CDH13: variants seen among roughly 807,000 people sequenced by gnomAD.
CDH13 encodes the protein cadherin-13.
In CDH13, 24 loss-of-function variants were observed where a neutral mutation model predicts 63.8. That is an observed-to-expected ratio of 0.38 (90% confidence interval 0.27 to 0.53). The LOEUF is 0.53. CDH13 is among the 20% of genes least tolerant of loss of function. CDH13 has a pLI of 0.85. For synonymous variants in CDH13, 503 were observed against 355.3 expected (o/e 1.42, Z -4.67); for missense variants, 1,049 against 903.1 (o/e 1.16, Z -2.07).
At chr16:83,426,871 TGTC>T (rs2071919591) in intron 6 of CDH13, among the ~76,000 whole-genome samples, 1 of 150,538 alleles carries the variant, frequency 6.6e-6, no homozygotes, top group South Asian at 2.2e-4. Flanking sequence ...AATATGACTT[TGTC>T]CTAATTCTCA....
intron 1 of CDH13, 68 bp from the exon 2 acceptor site, chr16:82,858,294 T>G (rs2039785326): frequency 9.7e-7 from 1 of 1,032,858 alleles, no homozygotes; most frequent in East Asian, 2.4e-5. Context: ...AAGTTGCGGA[T>G]TTGGCGAAAG....
chr16:83,554,784 ATAAC>A (rs1208676039), intron 7 of CDH13, among the ~76,000 whole-genome samples: 1 of 152,196 alleles, frequency 6.6e-6, no homozygotes, highest in African/African-American at 2.4e-5. Context: ...GTAGCCAGCA[ATAAC>A]TACTTCAAAG....
intron 5 of CDH13, among the ~76,000 whole-genome samples, chr16:83,308,009 G>C (rs1338400264): frequency 2.0e-5 from 3 of 152,140 alleles, no homozygotes; most frequent in African/African-American, 4.8e-5. Flanking sequence ...AAATGGTTCT[G>C]TGTGTAAATC....
chr16:82,923,906 C>A (rs375663634), intron 2 of CDH13, among the ~76,000 whole-genome samples: 2 of 152,122 alleles, frequency 1.3e-5, no homozygotes, highest in Admixed American at 1.3e-4. Flanking sequence ...CCAGCCCTTC[C>A]TCTCTGCAAA....
intron 2 of CDH13, among the ~76,000 whole-genome samples, chr16:82,964,768 A>T (rs1907564167): frequency 6.6e-6 from 1 of 152,260 alleles, no homozygotes; most frequent in Non-Finnish European, 1.5e-5. Context: ...TATATCCGAC[A>T]GGAAAAATAT....
At position 82,827,733 on chromosome 16, in the gene CDH13, T is replaced by A. The variant is rs549827694; in HGVS notation, c.46-30629T>A. On this transcript the variant is annotated intron_variant, in intron 1 of 13. Coordinates refer to ENST00000567109, the MANE Select transcript of CDH13 (RefSeq NM_001257.5). Reference sequence around the variant, plus strand: ...ATAAAGATTCTCAGCATGAATGCCCTTTTTTACTTGATGAAAATAGACCTG... The same window carrying A: ...ATAAAGATTCTCAGCATGAATGCCCATTTTTACTTGATGAAAATAGACCTG... Among the ~76,000 whole-genome samples the A allele has an allele frequency of 7.9e-5, 12 of 152,332 alleles. No homozygotes were observed. The South Asian group carries it at 2.1e-3, about 26-fold the overall frequency.
At chr16:83,243,497 A>T (rs1391958913) in intron 5 of CDH13, among the ~76,000 whole-genome samples, 2 of 152,076 alleles carry the variant, frequency 1.3e-5, no homozygotes, top group African/African-American at 2.4e-5. Context: ...CCCACAACAC[A>T]TGGTAATTGT....
chr16:83,316,865 A>G (rs1319118124), intron 5 of CDH13, among the ~76,000 whole-genome samples: 2 of 151,786 alleles, frequency 1.3e-5, no homozygotes, highest in African/African-American at 2.4e-5. Flanking sequence ...TGATCAGCTG[A>G]GCTTCATCTG....
At chr16:82,962,558 G>A (rs1907179357) in intron 2 of CDH13, among the ~76,000 whole-genome samples, 2 of 152,180 alleles carry the variant, frequency 1.3e-5, no homozygotes, top group South Asian at 4.1e-4. Context: ...TAGGATGCAT[G>A]CAACTCATAA....
intron 5 of CDH13, among the ~76,000 whole-genome samples, chr16:83,331,113 A>C (rs747562196): frequency 6.6e-6 from 1 of 152,202 alleles, no homozygotes; most frequent in Non-Finnish European, 1.5e-5. Context: ...TTAAACAATC[A>C]CACAGCTGAT....
chr16:83,610,107 G>T (rs915974449), intron 8 of CDH13, among the ~76,000 whole-genome samples: 12 of 152,150 alleles, frequency 7.9e-5, no homozygotes, highest in African/African-American at 2.2e-4. Flanking sequence ...CACATTTTAT[G>T]CATTCATCCA....
chr16:82,955,976 A>AT (rs745568566), intron 2 of CDH13, among the ~76,000 whole-genome samples: 5 of 152,128 alleles, frequency 3.3e-5, no homozygotes, highest in Middle Eastern at 3.4e-3. Flanking sequence ...TCTTGGATTT[A>AT]TTTTTTTTAA....
intron 3 of CDH13, among the ~76,000 whole-genome samples, chr16:83,045,634 TAAAA>T (rs71382861): frequency 2.8e-5 from 3 of 107,918 alleles, no homozygotes; most frequent in Admixed American, 2.0e-4. Flanking sequence ...AAGATTCCTT[TAAAA>T]AAAAAAAAAA....
At position 83,216,397 on chromosome 16, in the gene CDH13, AATATATATATAT is replaced by A. The variant is rs1158270310; in HGVS notation, c.484-912_484-901del. Among the ~76,000 whole-genome samples, 38 of 16,108 alleles carry A rather than the reference AATATATATATAT, an allele frequency of 2.4e-3. 1 individual carries two copies. The highest frequency in any genetic ancestry group is 0.042 in the Middle Eastern group (1 of 24). The allele number at this position is 16,108 out of a possible 152,430, so 10.6% of individuals were successfully genotyped here. A position where few individuals can be genotyped will look rare whatever the true frequency, so the allele number is the denominator to read the frequency against. On this transcript the variant is annotated intron_variant, in intron 4 of 13. Coordinates refer to ENST00000567109, the MANE Select transcript of CDH13 (RefSeq NM_001257.5). ...TAATGTCCTCTGCCTCCAGCATTGA[AATATATATATAT>A]ATATATATATATATATATATATATA...
chr16:83,050,838 C>G (rs372769035), intron 3 of CDH13, among the ~76,000 whole-genome samples: 2 of 152,118 alleles, frequency 1.3e-5, no homozygotes, highest in African/African-American at 4.8e-5. Flanking sequence ...CCTAAGTGCA[C>G]GGTTTCTTGC....
chr16:83,057,419 C>CA (rs1227751849), intron 3 of CDH13, among the ~76,000 whole-genome samples: 2 of 151,614 alleles, frequency 1.3e-5, no homozygotes, highest in Admixed American at 6.6e-5. Context: ...TGTGTTCACT[C>CA]AAAAAAAATT....
Position 83,194,609 on chromosome 16 carries a change from T to A in CDH13, c.484-22736T>A, listed in dbSNP as rs145871493. ...GGGATAAATTAGGCTGGTCAATTTG[T>A]CCTTTCCCTTTCTTGGGTAAAAAGA... On this transcript the variant is annotated intron_variant, in intron 4 of 13. Coordinates refer to ENST00000567109, the MANE Select transcript of CDH13 (RefSeq NM_001257.5). 2.1e-3 allele frequency among the ~76,000 whole-genome samples: 313 copies of A among 152,344 alleles called. 3 individuals are homozygous for A. Among genetic ancestry groups the A allele is most frequent in the African/African-American group, 7.2e-3 (299 of 41,584 alleles).
Position 83,719,515 on chromosome 16 carries a change from G to A in CDH13, c.1539-28593G>A, listed in dbSNP as rs116373851. 4.3e-3 allele frequency among the ~76,000 whole-genome samples: 661 copies of A among 152,226 alleles called. 6 individuals carry two copies. The highest frequency in any genetic ancestry group is 0.015 in the African/African-American group (624 of 41,534). ...ATGGTCAAGCTCCAGGTCTTTTCCA[G>A]CGCCACATTTTCCAGCACAACAACT... is the stretch of plus-strand genomic sequence containing the variant. On this transcript the variant is annotated intron_variant, in intron 10 of 13. Transcript: ENST00000567109.
chr16:83,706,695 G>A (rs1260742668), intron 10 of CDH13, among the ~76,000 whole-genome samples: 2 of 152,178 alleles, frequency 1.3e-5, no homozygotes, highest in African/African-American at 4.8e-5. Flanking sequence ...GCAGGCATGT[G>A]TGTGCACACA....
Sources: allele counts gnomAD v4.1 joint callset (sites outside exome capture counted in the v4.1 genomes callset), GRCh38; gene constraint gnomAD v4.1.1; transcripts MANE v1.5; gene names NCBI Gene and HGNC (gene_info 2026-07-23, HGNC 2026-07-21).